GEMIN5: variants seen among roughly 807,000 people sequenced by gnomAD.
GEMIN5 encodes the protein gem nuclear organelle associated protein 5, also known as gem-associated protein 5.
Under a neutral mutation model 176.9 loss-of-function variants are expected in GEMIN5, and 124 were observed. The ratio of observed to expected loss-of-function variants is 0.70; its 90% confidence interval spans 0.61 to 0.81. The LOEUF is 0.81. GEMIN5 is among the 40% of genes least tolerant of loss of function. GEMIN5 has a pLI of 0.00. For synonymous variants in GEMIN5, 673 were observed against 665.2 expected, an observed-to-expected ratio of 1.01 and a Z score of -0.18; for missense variants, 1,843 against 1,814.6, an observed-to-expected ratio of 1.02 and a Z score of -0.28.
chr5:154,908,733 G>A (rs908533951), intron 15 of GEMIN5, among the ~76,000 whole-genome samples: 8 of 152,200 alleles, frequency 5.3e-5, no homozygotes, highest in Admixed American at 1.3e-4. Context: ...TAGTGCTGCT[G>A]TGTTCATGCA....
At chr5:154,929,423 G>A (rs1186301203) in intron 5 of GEMIN5, among the ~76,000 whole-genome samples, 1 of 152,108 alleles carries the variant, frequency 6.6e-6, no homozygotes, top group African/African-American at 2.4e-5. Flanking sequence ...ACGTGCTGTG[G>A]GTGGGGAGTA....
rs1764314242 is a variant in GEMIN5, at chr5:154,938,199, T to C, written c.-66A>G. On this transcript the variant is annotated 5_prime_UTR_variant, in exon 1 of 28. Transcript: ENST00000285873. ...ACCGCTCGTAGCCTCACGCCTTAGG[T>C]AGGGAGCGGGGCGGGGTGAACTCCG... The C allele has an allele frequency of 8.0e-7, 1 of 1,245,604 alleles. No homozygotes were observed. The highest frequency in any genetic ancestry group is 1.0e-6 in the Non-Finnish European group (1 of 968,498). The allele number at this position is 1,245,604 out of a possible 1,614,324, so 77.2% of individuals were successfully genotyped here.
At chr5:154,927,663 G>C (rs1185338086) in intron 6 of GEMIN5, 113 bp from the exon 7 acceptor site, 1 of 734,518 alleles carries the variant, frequency 1.4e-6, no homozygotes, top group Admixed American at 2.6e-5. Flanking sequence ...CGTTTAAGGA[G>C]AGAAAAATTG....
rs1036958257 is a variant in GEMIN5, at chr5:154,938,135, A to T, written c.-2T>A. ...CAGCGTCCGCGGCTCCTGCCCCATA[A>T]CTACAAGCCGTCAGAGACAAGAGAA... On this transcript the variant is annotated 5_prime_UTR_variant, in exon 1 of 28. Transcript: ENST00000285873. 6.5e-6 allele frequency: 9 copies of T among 1,377,182 alleles called. No individual in the cohort carries two copies. Among genetic ancestry groups the T allele is most frequent in the Non-Finnish European group, 7.6e-6 (8 of 1,059,456 alleles). The allele number at this position is 1,377,182 out of a possible 1,614,324, so 85.3% of individuals were successfully genotyped here.
At chr5:154,937,644 C>T (rs1048527432) in intron 1 of GEMIN5, among the ~76,000 whole-genome samples, 1 of 152,208 alleles carries the variant, frequency 6.6e-6, no homozygotes, top group African/African-American at 2.4e-5. Flanking sequence ...GGTTAGCCCC[C>T]AACCCCAGGA....
At position 154,891,536 on chromosome 5, in the gene GEMIN5, T is replaced by C. The variant is rs772318516; in HGVS notation, c.3967A>G (p.Thr1323Ala). ...EPSQQLDTAS[T>A]EETDPETSQP... ...GAAGTTTCAGGGTCCGTTTCTTCAG[T>C]GCTGGCAGTGTCTAACTGCTGGCTT... Residue 1323 changes from threonine to alanine, a missense_variant, in exon 26 of 28, where the codon ACT becomes GCT. Physicochemically the swap from Thr to Ala is moderately conservative, Grantham distance 58. Transcript: ENST00000285873. 1.2e-6 allele frequency: 2 copies of C among 1,614,214 alleles called. No homozygotes were observed. The highest frequency in any genetic ancestry group is 2.2e-5 in the East Asian group (1 of 44,886).
chr5:154,899,063 T>C (rs1042763685), intron 22 of GEMIN5, 128 bp downstream of exon 22: 26 of 869,860 alleles, frequency 3.0e-5, no homozygotes, highest in Non-Finnish European at 4.3e-5. Flanking sequence ...AAGTTGAATA[T>C]ACATATCTTT....
rs149899431 is a variant in GEMIN5 at position 154,926,775 on chromosome 5, G to A, written c.1080+610C>T. 2.6e-5 allele frequency among the ~76,000 whole-genome samples: 4 copies of A among 152,294 alleles called. No homozygotes were observed. In the East Asian group the frequency reaches 5.8e-4, roughly 22 times the overall value. ...GTACACTAACACTAGGCCAGGCGCC[G>A]TGGCTCACGCCTGTAATCCCAGCAC... On this transcript the variant is annotated intron_variant, in intron 7 of 27. Transcript: ENST00000285873.
chr5:154,892,751 C>G, intron 24 of GEMIN5: 1 of 560,688 alleles, frequency 1.8e-6, no homozygotes, highest in Non-Finnish European at 3.2e-6. Flanking sequence ...ACACACGTCC[C>G]GGTGTTAAAG....
intron 24 of GEMIN5, 93 bp downstream of exon 24, chr5:154,895,999 A>G (rs914901492): frequency 1.4e-6 from 2 of 1,430,550 alleles, no homozygotes; most frequent in African/African-American, 1.4e-5. Context: ...AACACAGTCC[A>G]GTATTCTGCT....
At chr5:154,910,378 T>C (rs1457251314) in intron 15 of GEMIN5, among the ~76,000 whole-genome samples, 1 of 152,208 alleles carries the variant, frequency 6.6e-6, no homozygotes, top group African/African-American at 2.4e-5. Flanking sequence ...CCTGAACTCC[T>C]GGGCTCAAGC....
intron 3 of GEMIN5, among the ~76,000 whole-genome samples, chr5:154,933,774 C>T (rs897541342): frequency 6.6e-6 from 1 of 152,096 alleles, no homozygotes; most frequent in African/African-American, 2.4e-5. Context: ...TAATCACCAA[C>T]AGATCAAGCT....
intron 6 of GEMIN5, among the ~76,000 whole-genome samples, chr5:154,928,256 C>T (rs564207452): frequency 3.9e-5 from 6 of 152,328 alleles, no homozygotes; most frequent in Admixed American, 3.9e-4. Flanking sequence ...AGTAAAGGGT[C>T]TTGCTCAGGA....
At chr5:154,897,899 G>T (rs1238159747) in intron 23 of GEMIN5, among the ~76,000 whole-genome samples, 4 of 142,640 alleles carry the variant, frequency 2.8e-5, no homozygotes, top group Middle Eastern at 3.5e-3. Flanking sequence ...GGCTGACTAA[G>T]GTGTTTTTTT....
rs776137751 is a variant in GEMIN5, at chr5:154,896,052, A to T, written c.3597+40T>A. 5.0e-6 allele frequency: 8 copies of T among 1,605,224 alleles called. No homozygotes were observed. The African/African-American group carries it at 1.1e-4, about 22-fold the overall frequency. On this transcript the variant is annotated intron_variant, in intron 24 of 27. Transcript: ENST00000285873. Reference sequence around the variant, plus strand: ...AGACATGGATTAAGGAAGTCTTACCACTGAGTGATTAATGTCAAATGCTGG... The same window carrying T: ...AGACATGGATTAAGGAAGTCTTACCTCTGAGTGATTAATGTCAAATGCTGG...
Position 154,935,821 on chromosome 5 carries a change from A to G in GEMIN5, c.509+20T>C. ...TCATAAACAAACAAAAATCATCAAT[A>G]CAGATGGCATAGTACTTACCCAATG... On this transcript the variant is annotated intron_variant, in intron 3 of 27. Coordinates refer to ENST00000285873, the MANE Select transcript of GEMIN5 (RefSeq NM_015465.5). 6.4e-7 allele frequency: 1 copy of G among 1,556,302 alleles called. No homozygotes were observed. Among genetic ancestry groups the G allele is most frequent in the Admixed American group, 1.8e-5 (1 of 56,812 alleles).
Position 154,927,555 on chromosome 5 carries a change from G to A in GEMIN5, c.915-5C>T, listed in dbSNP as rs755478731. 14 of 1,578,096 alleles carry A rather than the reference G, an allele frequency of 8.9e-6. No individual in the cohort carries two copies. Among genetic ancestry groups the A allele is most frequent in the Non-Finnish European group, 1.2e-5 (14 of 1,152,866 alleles). On this transcript the variant is annotated splice_region_variant and splice_polypyrimidine_tract_variant and intron_variant, in intron 6 of 27. Transcript: ENST00000285873. ...TCCCATTGCAACAGTTCACCTCTGT[G>A]AAGGAAAAACATAAGCATTAGTTCT...
chr5:154,897,374 A>G (rs1763371682), intron 23 of GEMIN5, among the ~76,000 whole-genome samples: 1 of 152,252 alleles, frequency 6.6e-6, no homozygotes, highest in African/African-American at 2.4e-5. Flanking sequence ...AAACTAGGTA[A>G]GTGTGCCAAT....
Position 154,898,431 on chromosome 5 carries a change from CAG to C in GEMIN5, c.3345+7_3345+8del. The C allele has an allele frequency of 3.1e-6, 5 of 1,607,448 alleles. No individual in the cohort carries two copies. Among genetic ancestry groups the C allele is most frequent in the Non-Finnish European group, 4.3e-6 (5 of 1,173,990 alleles). On this transcript the variant is annotated splice_region_variant and intron_variant, in intron 23 of 27. Coordinates refer to ENST00000285873, the MANE Select transcript of GEMIN5 (RefSeq NM_015465.5). ...TCTTGTATACTAGGAGATGAAATAA[CAG>C]ACTGACCTGTAGACTTTCATGCAGC... is the stretch of plus-strand genomic sequence containing the variant.
Sources: gnomAD v4.1 joint callset for allele counts (sites outside exome capture counted in the v4.1 genomes callset) on GRCh38, gnomAD v4.1.1 for gene constraint, MANE v1.5 for transcripts, NCBI Gene and HGNC (gene_info 2026-07-23, HGNC 2026-07-21) for gene names.